The following GLRA3 variants were observed in gnomAD, a reference collection of about 807,000 sequenced individuals.
GLRA3 encodes glycine receptor subunit alpha-3.
GLRA3 carries 44 observed loss-of-function variants against 60.4 expected under a neutral mutation model. The observed-to-expected ratio is 0.73, with a 90% CI of 0.57 to 0.94. The LOEUF is 0.94. Ranked by LOEUF, GLRA3 falls within the 40% of genes least tolerant of loss-of-function variation. The pLI is 0.00. For missense variants in GLRA3, 508 were observed against 564.6 expected, an observed-to-expected ratio of 0.90 and a Z score of 1.02; for synonymous variants, 223 against 192.9, an observed-to-expected ratio of 1.16 and a Z score of -1.29.
At chr4:174,717,265 GGAGA>G (rs367818622) in intron 4 of GLRA3, among the ~76,000 whole-genome samples, 4 of 133,378 alleles carry the variant, frequency 3.0e-5, no homozygotes, top group East Asian at 2.3e-4. Context: ...AGGGAGGGAG[GGAGA>G]GAGAGAGAGA....
chr4:174,759,655 C>T (rs574803258), intron 3 of GLRA3, among the ~76,000 whole-genome samples: 5 of 152,134 alleles, frequency 3.3e-5, no homozygotes, highest in African/African-American at 1.2e-4. Context: ...GTAAGTTGTC[C>T]TATTAAATAT....
At chr4:174,739,312 G>T (rs1178898692) in intron 3 of GLRA3, among the ~76,000 whole-genome samples, 2 of 152,128 alleles carry the variant, frequency 1.3e-5, no homozygotes, top group Non-Finnish European at 1.5e-5. Context: ...ACATTGTGGG[G>T]CAGAAAGCTT....
intron 5 of GLRA3, among the ~76,000 whole-genome samples, chr4:174,698,772 ATG>A (rs1176122358): frequency 1.2e-4 from 18 of 152,308 alleles, no homozygotes; most frequent in African/African-American, 4.3e-4. Flanking sequence ...GAGATAAAAA[ATG>A]TCTATTATTG....
chr4:174,669,703 G>C (rs1366982129), intron 7 of GLRA3, among the ~76,000 whole-genome samples: 2 of 151,972 alleles, frequency 1.3e-5, no homozygotes, highest in Admixed American at 1.3e-4. Context: ...AGCCTCCCAA[G>C]CAGCTAGGAC....
At chr4:174,808,742 G>A (rs1740147066) in intron 1 of GLRA3, among the ~76,000 whole-genome samples, 1 of 151,792 alleles carries the variant, frequency 6.6e-6, no homozygotes, top group Non-Finnish European at 1.5e-5. Context: ...TTCTCTGTAG[G>A]CACAGGCTAA....
Position 174,642,901 on chromosome 4 carries a change from A to T in GLRA3, c.*885T>A. 1 of 732,176 alleles carries T rather than the reference A, an allele frequency of 1.4e-6. No individual in the cohort carries two copies. Among genetic ancestry groups the T allele is most frequent in the Non-Finnish European group, 1.7e-6 (1 of 599,296 alleles). 45.4% of individuals were successfully genotyped at this position (732,176 alleles called of 1,614,324 possible). A position where few individuals can be genotyped will look rare whatever the true frequency, so the allele number is the denominator to read the frequency against. ...ATTTTAAAGTCACATTCTAAACTAA[A>T]ATATAAAAGTCTTACTGAATTTTGT... On this transcript the variant is annotated 3_prime_UTR_variant, in exon 10 of 10. Coordinates refer to ENST00000274093, the MANE Select transcript of GLRA3 (RefSeq NM_006529.4).
In GLRA3 at chr4:174,748,929, T is replaced by C. The variant is rs10030336; in HGVS notation, c.267+18034A>G. Among the ~76,000 whole-genome samples the C allele has an allele frequency of 4.5e-3, 678 of 152,256 alleles. 4 individuals carry two copies. Among genetic ancestry groups the C allele is most frequent in the African/African-American group, 0.016 (658 of 41,544 alleles). On this transcript the variant is annotated intron_variant, in intron 3 of 9. Coordinates refer to ENST00000274093, the MANE Select transcript of GLRA3 (RefSeq NM_006529.4). The stretch of plus-strand genomic sequence containing the variant: ...CTGTTTAGTCAATTACATGCACTTG[T>C]GGGAGATTGAGACAAAGCCATGATC...
chr4:174,820,102 G>A (rs527369206), intron 1 of GLRA3, among the ~76,000 whole-genome samples: 67 of 152,272 alleles, frequency 4.4e-4, no homozygotes, highest in Non-Finnish European at 8.2e-4. Context: ...GTTGGGAATT[G>A]TTTCCAAATA....
In GLRA3 at chr4:174,828,752, T is replaced by C. The variant is rs756455428; in HGVS notation, c.60A>G (p.Ala20=). The change falls in exon 1 of 10, where the codon GCA becomes GCG. Residue 20 remains alanine (A), a synonymous_variant. Coordinates refer to ENST00000274093, the MANE Select transcript of GLRA3 (RefSeq NM_006529.4). The stretch of plus-strand genomic sequence containing the variant: ...CCAAGCGAACTCACCTGAGTAACAG[T>C]GCTGCTTCCCAGAAGTAAAATCCCG... ...LVSGFYFWEA[A]LLLSLVATKE... The C allele has an allele frequency of 6.2e-7, 1 of 1,607,820 alleles. No homozygotes were observed.
chr4:174,715,550 C>A lies in GLRA3; in HGVS notation c.512G>T (p.Cys171Phe). 1 of 1,519,670 alleles carries A rather than the reference C, an allele frequency of 6.6e-7. No individual in the cohort carries two copies. 94.1% of individuals were successfully genotyped at this position (1,519,670 alleles called of 1,614,324 possible). The change falls in exon 5 of 10, where the codon TGT (cysteine) becomes TTT (phenylalanine). Residue 171 changes from cysteine to phenylalanine, a missense_variant. Physicochemically the swap from Cys to Phe is radical, Grantham distance 205. Around this residue, in one of 3 missense-constraint regions of GLRA3, gnomAD observed 329 missense variants for 349.3 expected, o/e 0.94. Coordinates refer to ENST00000274093, the MANE Select transcript of GLRA3 (RefSeq NM_006529.4). ...GGGAAAATTCTTGAGATCCATTGGA[C>A]AGGAAAGTGTTAATGTTAATCTGAA... ...YSIRLTLTLS[C>F]PMDLKNFPMD...
chr4:174,720,022 TA>T (rs1435421408), intron 4 of GLRA3, among the ~76,000 whole-genome samples: 2 of 152,208 alleles, frequency 1.3e-5, no homozygotes, highest in Non-Finnish European at 2.9e-5. Flanking sequence ...TTAGCTTAAA[TA>T]AAAATTAAAA....
At chr4:174,743,219 C>CA (rs1474571189) in intron 3 of GLRA3, among the ~76,000 whole-genome samples, 1 of 152,076 alleles carries the variant, frequency 6.6e-6, no homozygotes, top group African/African-American at 2.4e-5. Context: ...AACTTACCTG[C>CA]AGACCTATTT....
chr4:174,761,255 G>T (rs1378248863), intron 3 of GLRA3, among the ~76,000 whole-genome samples: 3 of 152,064 alleles, frequency 2.0e-5, no homozygotes, highest in African/African-American at 7.2e-5. Context: ...GAGATAGATA[G>T]ATAATATCAT....
intron 5 of GLRA3, among the ~76,000 whole-genome samples, chr4:174,702,358 T>C (rs535663216): frequency 1.8e-4 from 27 of 152,346 alleles, no homozygotes; most frequent in Non-Finnish European, 2.8e-4. Context: ...TGCACACTTA[T>C]AGGCTACAGT....
intron 1 of GLRA3, among the ~76,000 whole-genome samples, chr4:174,790,656 C>T (rs933636566): frequency 6.6e-6 from 1 of 151,608 alleles, no homozygotes; most frequent in African/African-American, 2.4e-5. Flanking sequence ...TGACCTGAAC[C>T]AATAATACTC....
chr4:174,715,707 T>G, intron 4 of GLRA3, 137 bp from the exon 5 acceptor site: 1 of 520,932 alleles, frequency 1.9e-6, no homozygotes, highest in Non-Finnish European at 3.5e-6. Context: ...TGTATCCTAC[T>G]TACTATAAAA....
chr4:174,795,884 C>A (rs771812307), intron 1 of GLRA3, among the ~76,000 whole-genome samples: 4 of 151,044 alleles, frequency 2.6e-5, no homozygotes, highest in African/African-American at 9.9e-5. Flanking sequence ...CTTCTTAATA[C>A]GGTGTGAGCA....
chr4:174,810,883 C>A (rs1167623269), intron 1 of GLRA3, among the ~76,000 whole-genome samples: 1 of 152,108 alleles, frequency 6.6e-6, no homozygotes, highest in African/African-American at 2.4e-5. Flanking sequence ...CGTGAAATAG[C>A]AGTTGATTTC....
chr4:174,710,457 A>G (rs1263945432), intron 5 of GLRA3, among the ~76,000 whole-genome samples: 1 of 152,142 alleles, frequency 6.6e-6, no homozygotes, highest in Non-Finnish European at 1.5e-5. Flanking sequence ...ATTGAGAGGA[A>G]ACTTGAGGAA....
Sources: allele counts gnomAD v4.1 joint callset (sites outside exome capture counted in the v4.1 genomes callset), GRCh38; gene constraint gnomAD v4.1.1; regional missense constraint gnomAD v4.1.1; transcripts MANE v1.5; gene names NCBI Gene and HGNC (gene_info 2026-07-23, HGNC 2026-07-21).